The following CCBE1 variants were observed in gnomAD, a reference collection of about 807,000 sequenced individuals.
CCBE1 encodes the protein collagen and calcium binding EGF domains 1.
In CCBE1, 37 loss-of-function variants were observed where a neutral mutation model predicts 50.0. The observed-to-expected ratio is 0.74, with a 90% CI of 0.57 to 0.97. The LOEUF (loss-of-function observed/expected upper bound fraction) is 0.97, where lower values mean the gene tolerates loss of function less well. Among genes scored for constraint, CCBE1 ranks in the 50% least tolerant of loss-of-function variants. The pLI is 0.00. For missense variants in CCBE1, 538 were observed against 523.8 expected (o/e 1.03, Z -0.26); for synonymous variants, 234 against 203.7 (o/e 1.15, Z -1.27).
chr18:59,450,658 C>T (rs998679396), intron 6 of CCBE1, among the ~76,000 whole-genome samples: 13 of 152,318 alleles, frequency 8.5e-5, no homozygotes, highest in East Asian at 1.9e-4. Flanking sequence ...CTCAGCCTCC[C>T]GAGTAGATGG....
chr18:59,638,773 C>A (rs1362524802), intron 2 of CCBE1, among the ~76,000 whole-genome samples: 1 of 152,104 alleles, frequency 6.6e-6, no homozygotes, highest in Non-Finnish European at 1.5e-5. Flanking sequence ...ACAACAAATA[C>A]AACTTTAAAA....
At chr18:59,454,602 G>A (rs1398073115) in intron 6 of CCBE1, among the ~76,000 whole-genome samples, 2 of 152,146 alleles carry the variant, frequency 1.3e-5, no homozygotes, top group Admixed American at 6.5e-5. Context: ...CTATGGCTTT[G>A]CCACGTGTCC....
At chr18:59,439,866 G>A (rs1910340654) in intron 7 of CCBE1, 50 bp from the exon 8 acceptor site, 1 of 1,606,678 alleles carries the variant, frequency 6.2e-7, no homozygotes, top group Non-Finnish European at 8.5e-7. Flanking sequence ...GAAGGACAAA[G>A]GGCCCTGGCT....
chr18:59,453,499 A>G (rs1050292862), intron 6 of CCBE1, among the ~76,000 whole-genome samples: 3 of 152,218 alleles, frequency 2.0e-5, no homozygotes, highest in African/African-American at 7.2e-5. Context: ...CATCAGATAT[A>G]TACATGTTTC....
rs1056533405 is a variant in CCBE1 at position 59,432,316 on chromosome 18, C to T, written c.*3592G>A. 1 of 152,142 alleles carries T rather than the reference C, an allele frequency of 6.6e-6. No individual in the cohort carries two copies. Among genetic ancestry groups the T allele is most frequent in the African/African-American group, 2.4e-5 (1 of 41,418 alleles). The allele number at this position is 152,142 out of a possible 1,614,324, so 9.4% of individuals were successfully genotyped here. A position where few individuals can be genotyped will look rare whatever the true frequency, so the allele number is the denominator to read the frequency against. ...TCCCATTGCTTTCCAAGAACAGAGG[C>T]AACTTATGAGGTCCTGTGAAGAGGG... On this transcript the variant is annotated 3_prime_UTR_variant, in exon 11 of 11. Transcript: ENST00000439986.
At chr18:59,604,928 G>C (rs2053477769) in intron 2 of CCBE1, among the ~76,000 whole-genome samples, 1 of 152,258 alleles carries the variant, frequency 6.6e-6, no homozygotes, top group South Asian at 2.1e-4. Context: ...CTTATCCAGT[G>C]ATCAGTAGGG....
intron 2 of CCBE1, among the ~76,000 whole-genome samples, chr18:59,619,902 G>A (rs2053689228): frequency 6.6e-6 from 1 of 152,154 alleles, no homozygotes; most frequent in East Asian, 1.9e-4. Context: ...CATCACTGAA[G>A]AAAAGGGACC....
In CCBE1 at chr18:59,572,419, GT is replaced by G. The variant is rs371152955; in HGVS notation, c.213-92182del. On this transcript the variant is annotated intron_variant, in intron 2 of 10. Coordinates refer to ENST00000439986, the MANE Select transcript of CCBE1 (RefSeq NM_133459.4). The stretch of plus-strand genomic sequence containing the variant: ...TTTGAGATTCTAGAATATCATATGG[GT>G]TTTTTATAACATAATTAAAACCATG... 8.4e-4 allele frequency among the ~76,000 whole-genome samples: 128 copies of G among 152,178 alleles called. 1 individual carries two copies. Among genetic ancestry groups the G allele is most frequent in the African/African-American group, 3.0e-3 (124 of 41,512 alleles).
At chr18:59,621,414 G>A (rs571480638) in intron 2 of CCBE1, among the ~76,000 whole-genome samples, 1 of 152,316 alleles carries the variant, frequency 6.6e-6, no homozygotes, top group Admixed American at 6.5e-5. Flanking sequence ...GGAGTCATTG[G>A]TTTTATCCTC....
chr18:59,535,245 C>T (rs182659492), intron 2 of CCBE1, among the ~76,000 whole-genome samples: 8 of 152,222 alleles, frequency 5.3e-5, no homozygotes, highest in Admixed American at 1.3e-4. Flanking sequence ...GTGCTGGAGG[C>T]TTGACAAGAA....
chr18:59,601,374 G>A (rs1284206129), intron 2 of CCBE1, among the ~76,000 whole-genome samples: 3 of 151,936 alleles, frequency 2.0e-5, no homozygotes, highest in Admixed American at 6.6e-5. Flanking sequence ...TAAGTCTCAC[G>A]AGATCTGATG....
intron 2 of CCBE1, among the ~76,000 whole-genome samples, chr18:59,693,205 C>T (rs950847383): frequency 7.9e-5 from 12 of 152,124 alleles, no homozygotes; most frequent in Non-Finnish European, 1.3e-4. Flanking sequence ...AAATGCCACC[C>T]TACTTCTAAG....
At chr18:59,459,758 C>T (rs908938734) in intron 5 of CCBE1, among the ~76,000 whole-genome samples, 2 of 152,156 alleles carry the variant, frequency 1.3e-5, no homozygotes, top group South Asian at 2.1e-4. Context: ...TATCCAACCC[C>T]GGAGGCACAT....
intron 2 of CCBE1, among the ~76,000 whole-genome samples, chr18:59,624,847 GT>G (rs1186201530): frequency 6.6e-6 from 1 of 152,156 alleles, no homozygotes; most frequent in Non-Finnish European, 1.5e-5. Context: ...GTTTCTTTGT[GT>G]TTTCTTAAAT....
chr18:59,642,456 G>T (rs1480006792), intron 2 of CCBE1, among the ~76,000 whole-genome samples: 3 of 151,458 alleles, frequency 2.0e-5, no homozygotes, highest in Non-Finnish European at 4.4e-5. Context: ...GACTGTGTAG[G>T]TCCCTCCTTG....
intron 7 of CCBE1, among the ~76,000 whole-genome samples, chr18:59,442,842 C>T (rs1480027620): frequency 6.6e-6 from 1 of 152,210 alleles, no homozygotes; most frequent in African/African-American, 2.4e-5. Context: ...ATCAGCACAA[C>T]CAACTGGAGT....
At chr18:59,603,455 C>T (rs2053457436) in intron 2 of CCBE1, among the ~76,000 whole-genome samples, 2 of 152,174 alleles carry the variant, frequency 1.3e-5, no homozygotes, top group African/African-American at 4.8e-5. Context: ...TGGCTCATCT[C>T]TCTGTAAAAC....
At chr18:59,547,299 G>A (rs757687180) in intron 2 of CCBE1, among the ~76,000 whole-genome samples, 2 of 152,108 alleles carry the variant, frequency 1.3e-5, no homozygotes, top group African/African-American at 2.4e-5. Flanking sequence ...ATAAGACAGA[G>A]CAGTCATAGA....
chr18:59,694,782 C>A (rs17066173), intron 2 of CCBE1, among the ~76,000 whole-genome samples: 1 of 152,122 alleles, frequency 6.6e-6, no homozygotes, highest in Non-Finnish European at 1.5e-5. Flanking sequence ...AGAGAACTCT[C>A]GACTTCCATA....
Sources: gnomAD v4.1 joint callset for allele counts (sites outside exome capture counted in the v4.1 genomes callset) on GRCh38, gnomAD v4.1.1 for gene constraint, MANE v1.5 for transcripts, NCBI Gene and HGNC (gene_info 2026-07-23, HGNC 2026-07-21) for gene names.